TULP4: variants seen among roughly 807,000 people sequenced by gnomAD.
TULP4 encodes TUB like protein 4.
In TULP4, 16 loss-of-function variants were observed where a neutral mutation model predicts 129.0. The observed-to-expected ratio is 0.12, with a 90% confidence interval of 0.08 to 0.19. TULP4 has a LOEUF of 0.19. Ranked by LOEUF, TULP4 falls within the 10% of genes least tolerant of loss-of-function variation. TULP4 has a pLI of 1.00. For synonymous variants in TULP4, 998 were observed against 854.0 expected (o/e 1.17, Z -2.94); for missense variants, 1,842 against 2,059.1 (o/e 0.89, Z 2.04).
chr6:158,459,960 CT>C (rs1042139932), intron 5 of TULP4, among the ~76,000 whole-genome samples: 4 of 152,230 alleles, frequency 2.6e-5, no homozygotes, highest in Non-Finnish European at 4.4e-5. Context: ...CTAGCTTCCC[CT>C]CGCATTTGTA....
Position 158,503,465 on chromosome 6 carries a change from G to A in TULP4, c.3802G>A (p.Ala1268Thr), listed in dbSNP as rs373525326. ...CTTGCATCCATGGAGTTCCTACAGC[G>A]CCTGCCCGCCCATGCAGAACCCCCA... ...VALHPWSSYSACPPMQNPQGT... is the reference protein window; with the variant it reads ...VALHPWSSYSTCPPMQNPQGT... The change falls in exon 13 of 14, where the codon GCC becomes ACC. Residue 1268 changes from alanine to threonine, a missense_variant. Ala to Thr is a moderately conservative substitution (Grantham distance 58, BLOSUM62 0). This residue lies in a region of TULP4 where 1,089 missense variants were observed against 987.1 expected (regional missense o/e 1.10). Coordinates refer to ENST00000367097, the MANE Select transcript of TULP4 (RefSeq NM_020245.5). This position sits in a 1 kb window ranked among gnomAD's most constrained non-coding sequence, Gnocchi z 4.3. 5.1e-5 allele frequency: 83 copies of A among 1,613,722 alleles called. No individual in the cohort carries two copies. Among genetic ancestry groups the A allele is most frequent in the Middle Eastern group, 3.3e-4 (2 of 6,084 alleles).
rs1353491611 is a variant in TULP4, at chr6:158,510,512, C to T, written c.*3818C>T. On this transcript the variant is annotated 3_prime_UTR_variant, in exon 14 of 14. Coordinates refer to ENST00000367097, the MANE Select transcript of TULP4 (RefSeq NM_020245.5). Reference sequence around the variant, plus strand: ...CGCAGCACTGAACAGCCTCATCATTCCACTTTTCATGGGAAATATATTTCA... The same window carrying T: ...CGCAGCACTGAACAGCCTCATCATTTCACTTTTCATGGGAAATATATTTCA... 6.6e-6 allele frequency: 1 copy of T among 152,202 alleles called. No homozygotes were observed. The highest frequency in any genetic ancestry group is 1.9e-4 in the East Asian group (1 of 5,206). 9.4% of individuals were successfully genotyped at this position (152,202 alleles called of 1,614,324 possible).
upstream of TULP4, among the ~76,000 whole-genome samples, chr6:158,278,737 AT>A (rs1778688733): frequency 6.6e-6 from 1 of 151,904 alleles, no homozygotes; most frequent in East Asian, 1.9e-4. Flanking sequence ...TGATTCTGAT[AT>A]TTTTCCCCTT....
intron 1 of TULP4, among the ~76,000 whole-genome samples, chr6:158,396,005 A>G (rs369267848): frequency 6.6e-5 from 10 of 152,146 alleles, no homozygotes; most frequent in African/African-American, 2.4e-4. Flanking sequence ...CTTGACCCAG[A>G]TTGCCTGGCT....
chr6:158,401,874 G>T (rs1016633248), intron 1 of TULP4, among the ~76,000 whole-genome samples: 1 of 151,342 alleles, frequency 6.6e-6, no homozygotes, highest in Non-Finnish European at 1.5e-5. Context: ...ATTGGTTTTT[G>T]TAAGAGTGTT....
At chr6:158,379,847 A>T (rs150968908) in intron 1 of TULP4, among the ~76,000 whole-genome samples, 2 of 152,224 alleles carry the variant, frequency 1.3e-5, no homozygotes, top group African/African-American at 4.8e-5. Context: ...TGAAATGGAG[A>T]TGGTAAGTGG....
Position 158,452,236 on chromosome 6 carries a change from T to C in TULP4, c.827T>C (p.Leu276Ser). ...AGCTTAATGAACAACTACGATGACT[T>C]GTCTCCCACGGTCATCCGCTCAGGG... ...DISLMNNYDD[L>S]SPTVIRSGLK... Residue 276 changes from leucine (L) to serine (S), a missense_variant, in exon 5 of 14, where the codon TTG (leucine) becomes TCG (serine). Physicochemically the swap from Leu to Ser is moderately radical, Grantham distance 145 (BLOSUM62 -2). Transcript: ENST00000367097. 1 of 1,614,190 alleles carries C rather than the reference T, an allele frequency of 6.2e-7. No individual in the cohort carries two copies. Among genetic ancestry groups the C allele is most frequent in the Non-Finnish European group, 8.5e-7 (1 of 1,180,032 alleles).
chr6:158,317,020 T>C (rs1236436168), intron 1 of TULP4, among the ~76,000 whole-genome samples: 3 of 152,100 alleles, frequency 2.0e-5, no homozygotes, highest in Non-Finnish European at 4.4e-5. Flanking sequence ...CATGCTCACC[T>C]CCACTCCTGG....
upstream of TULP4, among the ~76,000 whole-genome samples, chr6:158,309,751 C>T (rs897322290): frequency 3.3e-5 from 5 of 152,038 alleles, no homozygotes; most frequent in Admixed American, 6.5e-5. Context: ...ACCAGTCAGG[C>T]GTGGCGGCGC....
chr6:158,406,648 C>G (rs1453765045), intron 1 of TULP4, among the ~76,000 whole-genome samples: 1 of 152,174 alleles, frequency 6.6e-6, no homozygotes, highest in African/African-American at 2.4e-5. Flanking sequence ...TGTAGCTCTT[C>G]AGCATTGTTT....
chr6:158,239,647 C>T (rs1367084715), intron 1 of TULP4, among the ~76,000 whole-genome samples: 3 of 72,806 alleles, frequency 4.1e-5, no homozygotes, highest in African/African-American at 1.4e-4. Flanking sequence ...GGCTGACCCC[C>T]CCACCTCCCT....
intron 1 of TULP4, among the ~76,000 whole-genome samples, chr6:158,268,161 G>A (rs769815843): frequency 3.3e-5 from 5 of 149,848 alleles, no homozygotes; most frequent in African/African-American, 9.8e-5. Flanking sequence ...CCAGCCTCCC[G>A]AGTAGCTGGG....
chr6:158,328,454 C>T (rs926982795), intron 1 of TULP4, among the ~76,000 whole-genome samples: 1 of 151,842 alleles, frequency 6.6e-6, no homozygotes. Context: ...GTTTTCAATC[C>T]TTGTCACTAT....
rs763748362 is a variant in TULP4 at position 158,502,194 on chromosome 6, C to T, written c.2531C>T (p.Ala844Val). 5 of 1,311,292 alleles carry T rather than the reference C, an allele frequency of 3.8e-6. No homozygotes were observed. The highest frequency in any genetic ancestry group is 1.5e-5 in the African/African-American group (1 of 65,904). The allele number at this position is 1,311,292 out of a possible 1,614,324, so 81.2% of individuals were successfully genotyped here. ...CCGTACCCAGGAACCATCCCCGCTG[C>T]CCCCACCACAGCAGCACCCCCGCCC... is the stretch of plus-strand genomic sequence containing the variant. ...PPPYPGTIPA[A>V]PTTAAPPPPL... Residue 844 changes from alanine to valine, a missense_variant, in exon 13 of 14, where the codon GCC becomes GTC. Physicochemically the swap from Ala to Val is moderately conservative, Grantham distance 64. Coordinates refer to ENST00000367097, the MANE Select transcript of TULP4 (RefSeq NM_020245.5).
At chr6:158,505,295 T>C (rs1348910412) in intron 13 of TULP4, among the ~76,000 whole-genome samples, 1 of 151,254 alleles carries the variant, frequency 6.6e-6, no homozygotes, top group Admixed American at 6.6e-5. Context: ...ATAAATGTTA[T>C]TGAGAACCTG....
At chr6:158,299,467 T>G (rs1779096622) in intron 1 of TULP4, among the ~76,000 whole-genome samples, 2 of 152,164 alleles carry the variant, frequency 1.3e-5, no homozygotes, top group Admixed American at 6.5e-5. Flanking sequence ...TATCTCCTAT[T>G]ACTCCCCCTT....
intron 1 of TULP4, among the ~76,000 whole-genome samples, chr6:158,300,810 T>A (rs1216292673): frequency 1.3e-5 from 2 of 152,210 alleles, no homozygotes; most frequent in Non-Finnish European, 2.9e-5. Flanking sequence ...TAATGCCAGG[T>A]TCCTGATTTG....
chr6:158,381,201 T>C (rs1477026665), intron 1 of TULP4, among the ~76,000 whole-genome samples: 1 of 151,374 alleles, frequency 6.6e-6, no homozygotes, highest in Non-Finnish European at 1.5e-5. Context: ...TCTCTCAAAG[T>C]AGTGTTTCTT....
chr6:158,494,116 A>T (rs761443588), intron 10 of TULP4, among the ~76,000 whole-genome samples: 1 of 151,864 alleles, frequency 6.6e-6, no homozygotes, highest in Non-Finnish European at 1.5e-5. Flanking sequence ...TTTCTGCCCC[A>T]TGCTTCCAGA....
Sources: allele counts gnomAD v4.1 joint callset (sites outside exome capture counted in the v4.1 genomes callset), GRCh38; gene constraint gnomAD v4.1.1; regional missense constraint gnomAD v4.1.1; non-coding constraint Gnocchi (gnomAD v3.1); transcripts MANE v1.5; gene names NCBI Gene and HGNC (gene_info 2026-07-23, HGNC 2026-07-21).